Variants in HYDIN observed in about 807,000 individuals in gnomAD.
HYDIN encodes the protein HYDIN axonemal central pair apparatus protein.
Under a neutral mutation model 403.9 loss-of-function variants are expected in HYDIN, and 132 were observed. The observed-to-expected ratio is 0.33, with a 90% CI of 0.28 to 0.38. The LOEUF (loss-of-function observed/expected upper bound fraction) is 0.38. Ranked by LOEUF, HYDIN falls within the 10% of genes least tolerant of loss-of-function variation. The probability of loss-of-function intolerance (pLI) is 1.00; values close to 1 mark genes in which losing one functional copy is unlikely to be tolerated. For synonymous variants in HYDIN, 1,202 were observed against 1,891.7 expected (o/e 0.64, Z 9.46); for missense variants, 2,827 against 5,009.5 (o/e 0.56, Z 13.15).
At chr16:71,124,166 AG>A (rs1342055692) in intron 9 of HYDIN, among the ~76,000 whole-genome samples, 1 of 151,632 alleles carries the variant, frequency 6.6e-6, no homozygotes, top group African/African-American at 2.4e-5. Flanking sequence ...ATCAATGCCC[AG>A]GATGCCCAAG....
At chr16:70,971,641 G>C (rs1015430122) in intron 35 of HYDIN, among the ~76,000 whole-genome samples, 30 of 151,980 alleles carry the variant, frequency 2.0e-4, no homozygotes, top group Non-Finnish European at 4.0e-4. Flanking sequence ...ATCTTAGCTT[G>C]AAGGGGAAAA....
At chr16:71,177,957 T>C (rs1025593563) in intron 4 of HYDIN, among the ~76,000 whole-genome samples, 2 of 152,160 alleles carry the variant, frequency 1.3e-5, no homozygotes, top group South Asian at 2.1e-4. Context: ...AGACAAGACA[T>C]AGACAGTGAG....
chr16:70,963,171 CTCAAAGGTAAGGAT>C (rs2078471268), intron 37 of HYDIN, among the ~76,000 whole-genome samples: 1 of 151,628 alleles, frequency 6.6e-6, no homozygotes, highest in African/African-American at 2.4e-5. Flanking sequence ...ACTGTGAGCT[CTCAAAGGTAAGGAT>C]TCATTGCATT....
chr16:70,866,176 C>G lies in HYDIN; in HGVS notation c.11464G>C (p.Val3822Leu), dbSNP rs1183628876. The G allele has an allele frequency of 1.3e-6, 2 of 1,599,980 alleles. No individual in the cohort carries two copies. Among genetic ancestry groups the G allele is most frequent in the Non-Finnish European group, 1.7e-6 (2 of 1,173,446 alleles). The change falls in exon 67 of 86, where the codon GTG becomes CTG. Residue 3822 changes from valine to leucine, a missense_variant. Transcript: ENST00000393567. ...AGACTTTTGATGACTCACTCAAACA[C>G]TCGGGTCTGGTAAACCAAGGTTTCC... is the stretch of plus-strand genomic sequence containing the variant. ...FKETLVYQTR[V>L]FEFDVINSGR...
chr16:71,067,428 G>C (rs745421062), intron 14 of HYDIN, 38 bp from the exon 15 acceptor site: 1 of 1,353,878 alleles, frequency 7.4e-7, no homozygotes, highest in South Asian at 1.2e-5. Context: ...CTTCGAAAAA[G>C]CACGTTCTCT....
chr16:70,813,722 T>C (rs1006578860), intron 84 of HYDIN, among the ~76,000 whole-genome samples: 5 of 151,816 alleles, frequency 3.3e-5, no homozygotes, highest in African/African-American at 1.2e-4. Context: ...TATTTTTTAT[T>C]GAGGAACTTG....
intron 29 of HYDIN, among the ~76,000 whole-genome samples, 192 bp downstream of exon 29, chr16:70,981,199 C>T (rs1774309): frequency 2.6e-5 from 4 of 151,828 alleles, no homozygotes; most frequent in African/African-American, 9.7e-5. Context: ...GGGTTCTTCA[C>T]TTGGGGCTGC....
At chr16:70,837,448 T>A (rs1337615818) in intron 77 of HYDIN, among the ~76,000 whole-genome samples, 1 of 152,198 alleles carries the variant, frequency 6.6e-6, no homozygotes, top group Admixed American at 6.5e-5. Flanking sequence ...ATTACCTGTA[T>A]CCTTTGATAC....
At chr16:71,137,796 A>AT (rs1451824233) in intron 7 of HYDIN, among the ~76,000 whole-genome samples, 19 of 152,224 alleles carry the variant, frequency 1.2e-4, no homozygotes, top group Admixed American at 3.3e-4. Flanking sequence ...ATTTAAGTCC[A>AT]TTTGAGAACA....
chr16:71,051,541 G>A (rs1306644840), intron 18 of HYDIN, among the ~76,000 whole-genome samples: 2 of 151,966 alleles, frequency 1.3e-5, no homozygotes, highest in African/African-American at 2.4e-5. Flanking sequence ...AGCTACTAGG[G>A]AGGCTGAGGC....
chr16:71,129,899 C>A, intron 8 of HYDIN, 76 bp from the exon 9 acceptor site: 1 of 1,540,882 alleles, frequency 6.5e-7, no homozygotes, highest in Non-Finnish European at 8.8e-7. Flanking sequence ...CCTCTAGTAC[C>A]TCCTCCTGGA....
intron 47 of HYDIN, among the ~76,000 whole-genome samples, chr16:70,917,089 AT>A (rs1226414298): frequency 6.6e-6 from 1 of 151,842 alleles, no homozygotes; most frequent in East Asian, 1.9e-4. Flanking sequence ...TGCCCGGCTA[AT>A]TTTTGTATTT....
chr16:70,810,807 G>A (rs1373884319), intron 84 of HYDIN, among the ~76,000 whole-genome samples: 1 of 152,080 alleles, frequency 6.6e-6, no homozygotes, highest in Non-Finnish European at 1.5e-5. Context: ...TCCACAGCCT[G>A]GGCAACAGAG....
At chr16:71,070,247 C>CT (rs1555632545) in intron 13 of HYDIN, among the ~76,000 whole-genome samples, 2 of 48,074 alleles carry the variant, frequency 4.2e-5, no homozygotes, top group Admixed American at 6.0e-4. Context: ...TCTTTCTTTT[C>CT]TTTCTTTCTT....
intron 18 of HYDIN, among the ~76,000 whole-genome samples, chr16:71,046,713 G>A (rs1436665714): frequency 1.3e-5 from 2 of 152,220 alleles, no homozygotes; most frequent in African/African-American, 4.8e-5. Context: ...CTAGATGGAT[G>A]TGTGTAGGGG....
intron 38 of HYDIN, among the ~76,000 whole-genome samples, chr16:70,961,415 G>A (rs2078415960): frequency 1.3e-5 from 2 of 152,182 alleles, no homozygotes; most frequent in East Asian, 1.9e-4. Context: ...CTATTCTGGG[G>A]GTGGGCACAG....
chr16:70,920,972 C>T lies in HYDIN; in HGVS notation c.7404G>A (p.Gln2468=), dbSNP rs554829668. ...TCCGGTCCCAGTACATGAGGATGTTCTGGACATCCTTCAGTGTCAATTCAT... is the reference window on the plus strand; with the variant it reads ...TCCGGTCCCAGTACATGAGGATGTTTTGGACATCCTTCAGTGTCAATTCAT... ...KTYELTLKDV[Q]NILMYWDRKQ... Residue 2468 remains glutamine (Q), a synonymous_variant, in exon 46 of 86, where the codon CAG becomes CAA. Transcript: ENST00000393567. 40 of 1,595,496 alleles carry T rather than the reference C, an allele frequency of 2.5e-5. No homozygotes were observed. In the Admixed American group the frequency reaches 7.0e-4, roughly 28 times the overall value.
chr16:70,905,964 G>T (rs1421098297), intron 50 of HYDIN, among the ~76,000 whole-genome samples: 1 of 151,710 alleles, frequency 6.6e-6, no homozygotes, highest in African/African-American at 2.4e-5. Flanking sequence ...GCATCTCAGG[G>T]AATAAAGTGG....
chr16:71,222,599 A>G (rs1005372599), intron 1 of HYDIN, among the ~76,000 whole-genome samples: 2 of 152,148 alleles, frequency 1.3e-5, no homozygotes, highest in Admixed American at 6.6e-5. Context: ...ACTCATCCAA[A>G]AGGCTCCTAG....
Sources: gnomAD v4.1 joint callset for allele counts (sites outside exome capture counted in the v4.1 genomes callset) on GRCh38, gnomAD v4.1.1 for gene constraint, MANE v1.5 for transcripts, NCBI Gene and HGNC (gene_info 2026-07-23, HGNC 2026-07-21) for gene names.